The following PLD1 variants were observed in gnomAD, a reference collection of about 807,000 sequenced individuals.
The protein encoded by PLD1 is choline phosphatase 1.
Under a neutral mutation model 137.1 loss-of-function variants are expected in PLD1, and 112 were observed. The observed-to-expected ratio is 0.82, with a 90% confidence interval of 0.70 to 0.96. The LOEUF (loss-of-function observed/expected upper bound fraction) is 0.96, where lower values mean the gene tolerates loss of function less well. PLD1 is among the 40% of genes least tolerant of loss of function. PLD1 has a pLI of 0.00. For missense variants in PLD1, 1,321 were observed against 1,342.0 expected (o/e 0.98, Z 0.24); for synonymous variants, 431 against 454.7 (o/e 0.95, Z 0.66).
intron 6 of PLD1, among the ~76,000 whole-genome samples, chr3:171,729,602 T>A (rs1036366169): frequency 1.3e-5 from 2 of 152,118 alleles, no homozygotes; most frequent in African/African-American, 4.8e-5. Context: ...AGTTGGGCAA[T>A]GTCCTTGTAG....
intron 1 of PLD1, chr3:171,793,827 C>G (rs1321561003): frequency 6.6e-6 from 1 of 152,210 alleles, no homozygotes; most frequent in Admixed American, 6.5e-5. Context: ...CATCTTCACA[C>G]AGGCATTTTA....
At chr3:171,738,602 C>A (rs140009151) in intron 1 of PLD1, among the ~76,000 whole-genome samples, 1 of 152,148 alleles carries the variant, frequency 6.6e-6, no homozygotes, top group Admixed American at 6.5e-5. Context: ...ATATCCCAAG[C>A]AAAGTGTATA....
chr3:171,620,746 A>ATATATATATATATATATATAT (rs1733542089), intron 23 of PLD1, among the ~76,000 whole-genome samples: 2 of 95,722 alleles, frequency 2.1e-5, no homozygotes, highest in African/African-American at 4.8e-5. Flanking sequence ...CTCTCTCTAT[A>ATATATATATATATATATATAT]TATATATATA....
intron 3 of PLD1, among the ~76,000 whole-genome samples, 176 bp downstream of exon 3, chr3:171,737,356 G>A (rs929603146): frequency 1.3e-5 from 2 of 152,136 alleles, no homozygotes; most frequent in Non-Finnish European, 2.9e-5. Context: ...AAGATTAAAT[G>A]GGAAGGAGGC....
Position 171,709,640 on chromosome 3 carries a change from G to C in PLD1, c.981C>G (p.Ile327Met), listed in dbSNP as rs1716986914. 6.2e-6 allele frequency: 10 copies of C among 1,613,790 alleles called. No homozygotes were observed. Among genetic ancestry groups the C allele is most frequent in the Non-Finnish European group, 7.6e-6 (9 of 1,179,720 alleles). Residue 327 changes from isoleucine (I) to methionine (M), a missense_variant, in exon 10 of 27, where the codon ATC becomes ATG. Transcript: ENST00000351298. ...RWWGGAIEEF[I>M]QKHGTNFLKD... ...TGAGAAAGTTGGTGCCATGTTTCTG[G>C]ATGAATTCTTCTATAGCCCCTCCCC...
chr3:171,728,672 GC>G (rs879621538), intron 6 of PLD1, among the ~76,000 whole-genome samples: 9 of 152,176 alleles, frequency 5.9e-5, no homozygotes, highest in Non-Finnish European at 1.3e-4. Flanking sequence ...CTAATCTAAT[GC>G]CTGGATATTT....
chr3:171,668,535 T>C (rs531739469), intron 19 of PLD1, among the ~76,000 whole-genome samples: 1 of 152,212 alleles, frequency 6.6e-6, no homozygotes, highest in African/African-American at 2.4e-5. Context: ...AAAATTTTCT[T>C]TTTTTTTCCT....
chr3:171,714,310 G>C (rs1000784851), intron 8 of PLD1, among the ~76,000 whole-genome samples: 2 of 152,150 alleles, frequency 1.3e-5, no homozygotes, highest in African/African-American at 4.8e-5. Context: ...GGCAAAACTG[G>C]AGGAATGTCC....
intron 16 of PLD1, among the ~76,000 whole-genome samples, chr3:171,678,460 C>T (rs1425894167): frequency 6.6e-6 from 1 of 152,152 alleles, no homozygotes; most frequent in Non-Finnish European, 1.5e-5. Context: ...TCACAAATAA[C>T]TGTGCCGAGA....
At chr3:171,677,172 A>G (rs534684861) in intron 17 of PLD1, among the ~76,000 whole-genome samples, 2 of 152,342 alleles carry the variant, frequency 1.3e-5, no homozygotes, top group South Asian at 4.1e-4. Context: ...AGGCAATGCC[A>G]TCTCTATCTC....
intron 1 of PLD1, among the ~76,000 whole-genome samples, chr3:171,784,596 C>A (rs993140234): frequency 1.3e-5 from 2 of 152,168 alleles, no homozygotes; most frequent in African/African-American, 4.8e-5. Flanking sequence ...CAAAGAATGT[C>A]TCATCTCTGA....
chr3:171,646,791 C>A (rs1316072418), intron 21 of PLD1, among the ~76,000 whole-genome samples: 1 of 152,036 alleles, frequency 6.6e-6, no homozygotes, highest in Non-Finnish European at 1.5e-5. Context: ...TTGGCCTCAA[C>A]TGCCTTTTCA....
chr3:171,758,333 G>GC (rs1345921001), intron 1 of PLD1, among the ~76,000 whole-genome samples: 1 of 152,148 alleles, frequency 6.6e-6, no homozygotes, highest in African/African-American at 2.4e-5. Context: ...AATGTGCACT[G>GC]CCCCCTATCT....
chr3:171,717,038 G>T (rs560936901), intron 8 of PLD1, among the ~76,000 whole-genome samples: 4 of 152,210 alleles, frequency 2.6e-5, no homozygotes, highest in African/African-American at 7.2e-5. Context: ...TTATTTCTGG[G>T]CTCTATAATT....
chr3:171,698,679 C>T (rs903016395), intron 12 of PLD1, among the ~76,000 whole-genome samples: 90 of 151,956 alleles, frequency 5.9e-4, no homozygotes, highest in African/African-American at 2.1e-3. Flanking sequence ...AAAGGTTGGC[C>T]GGGAGCGGTG....
intron 8 of PLD1, among the ~76,000 whole-genome samples, chr3:171,722,264 T>A (rs1248760882): frequency 6.6e-6 from 1 of 152,176 alleles, no homozygotes; most frequent in Non-Finnish European, 1.5e-5. Context: ...TCTGTCTATA[T>A]TACGCTTACC....
intron 23 of PLD1, among the ~76,000 whole-genome samples, chr3:171,634,195 T>C (rs762687879): frequency 4.6e-5 from 7 of 152,194 alleles, no homozygotes; most frequent in Non-Finnish European, 7.4e-5. Flanking sequence ...AATCTTTTCA[T>C]AAACAGGCTT....
At chr3:171,641,943 T>C (rs1735790272) in intron 23 of PLD1, among the ~76,000 whole-genome samples, 1 of 152,180 alleles carries the variant, frequency 6.6e-6, no homozygotes, top group African/African-American at 2.4e-5. Context: ...TTTCACAATC[T>C]GGACCCAACT....
At chr3:171,665,446 T>C (rs777484874) in intron 19 of PLD1, among the ~76,000 whole-genome samples, 2 of 152,172 alleles carry the variant, frequency 1.3e-5, no homozygotes, top group Non-Finnish European at 2.9e-5. Context: ...ACACCTGTAA[T>C]CCCAGCACTT....
Sources: gnomAD v4.1 joint callset for allele counts (sites outside exome capture counted in the v4.1 genomes callset) on GRCh38, gnomAD v4.1.1 for gene constraint, MANE v1.5 for transcripts, NCBI Gene and HGNC (gene_info 2026-07-23, HGNC 2026-07-21) for gene names.